Variants in CALN1 observed in about 807,000 individuals in gnomAD.
The protein encoded by CALN1 is calneuron 1.
CALN1 carries 17 observed loss-of-function variants against 30.6 expected under a neutral mutation model. The observed-to-expected ratio is 0.56, with a 90% confidence interval of 0.38 to 0.83. CALN1 has a LOEUF of 0.83. Ranked by LOEUF, CALN1 falls within the 40% of genes least tolerant of loss-of-function variation. CALN1 has a pLI of 0.00. For missense variants in CALN1, 291 were observed against 354.9 expected (o/e 0.82, Z 1.45); for synonymous variants, 156 against 131.4 (o/e 1.19, Z -1.28).
intron 5 of CALN1, among the ~76,000 whole-genome samples, chr7:71,974,516 G>A (rs1798006952): frequency 6.6e-6 from 1 of 150,736 alleles, no homozygotes; most frequent in Non-Finnish European, 1.5e-5. Flanking sequence ...AGAATACACA[G>A]GCTAGGTGCC....
At chr7:72,205,551 A>ATATATATACATATAT (rs1554319582) in intron 3 of CALN1, among the ~76,000 whole-genome samples, 3 of 83,044 alleles carry the variant, frequency 3.6e-5, no homozygotes, top group East Asian at 1.7e-3. Context: ...GCAAAAAAAA[A>ATATATATACATATAT]ATATATATAT....
intron 5 of CALN1, among the ~76,000 whole-genome samples, chr7:71,831,343 AGTG>A (rs1789264447): frequency 6.6e-6 from 1 of 152,070 alleles, no homozygotes. Context: ...AGCCGGGTGC[AGTG>A]GCGTATGCCT....
intron 3 of CALN1, among the ~76,000 whole-genome samples, chr7:72,167,453 T>G (rs984008808): frequency 6.6e-6 from 1 of 152,170 alleles, no homozygotes; most frequent in African/African-American, 2.4e-5. Context: ...CAAGCAATTC[T>G]CCTGCGTCAG....
intron 3 of CALN1, among the ~76,000 whole-genome samples, chr7:72,164,088 C>A (rs927647145): frequency 5.3e-5 from 8 of 152,106 alleles, no homozygotes; most frequent in African/African-American, 1.7e-4. Flanking sequence ...GCCATATGGA[C>A]CAGGTGCAGT....
chr7:72,009,725 A>C (rs1799963036), intron 5 of CALN1, among the ~76,000 whole-genome samples: 1 of 152,140 alleles, frequency 6.6e-6, no homozygotes, highest in African/African-American at 2.4e-5. Context: ...AAGTCTTACA[A>C]GATCTGATGG....
At chr7:72,183,638 G>C (rs1276772456) in intron 3 of CALN1, among the ~76,000 whole-genome samples, 3 of 152,176 alleles carry the variant, frequency 2.0e-5, no homozygotes, top group Non-Finnish European at 4.4e-5. Context: ...AATTGATTAA[G>C]AATTAATACA....
intron 4 of CALN1, among the ~76,000 whole-genome samples, chr7:72,091,297 C>T (rs532755549): frequency 6.6e-6 from 1 of 152,210 alleles, no homozygotes; most frequent in East Asian, 1.9e-4. Flanking sequence ...CACCATTGCA[C>T]TCCAGTCTGG....
chr7:72,384,422 G>A (rs1301550536), intron 2 of CALN1, among the ~76,000 whole-genome samples: 6 of 152,156 alleles, frequency 3.9e-5, no homozygotes, highest in African/African-American at 1.4e-4. Flanking sequence ...AAGAGAGGAA[G>A]AAAATGAACC....
In CALN1 at chr7:71,817,460, A is replaced by C. The variant is rs557682539; in HGVS notation, c.502-6968T>G. Among the ~76,000 whole-genome samples the C allele has an allele frequency of 3.3e-5, 5 of 152,314 alleles. No individual in the cohort carries two copies. The East Asian group carries it at 7.7e-4, about 24-fold the overall frequency. On this transcript the variant is annotated intron_variant, in intron 5 of 6. Coordinates refer to ENST00000395275, the MANE Select transcript of CALN1 (RefSeq NM_031468.4). ...TTGGAAACCTAAGGAATTTTCCACTATAGTAGAATCTCTGTAAGGTCAGTT... is the reference window on the plus strand; with the variant it reads ...TTGGAAACCTAAGGAATTTTCCACTCTAGTAGAATCTCTGTAAGGTCAGTT...
intron 3 of CALN1, among the ~76,000 whole-genome samples, chr7:72,182,544 A>C (rs951446769): frequency 6.6e-5 from 10 of 152,128 alleles, no homozygotes; most frequent in African/African-American, 2.4e-4. Context: ...ACATGGTGAA[A>C]CCCTGTCTCT....
chr7:71,869,040 T>C (rs1791765234), intron 5 of CALN1, among the ~76,000 whole-genome samples: 1 of 152,068 alleles, frequency 6.6e-6, no homozygotes, highest in Non-Finnish European at 1.5e-5. Context: ...GAGGTAGCTA[T>C]GTTCACTTCA....
At chr7:72,026,085 G>GT (rs1562987691) in intron 4 of CALN1, among the ~76,000 whole-genome samples, 1 of 152,114 alleles carries the variant, frequency 6.6e-6, no homozygotes, top group Admixed American at 6.5e-5. Context: ...GCTGGTAATC[G>GT]TAAGAAAGCT....
chr7:71,838,897 C>A (rs1789774228), intron 5 of CALN1, among the ~76,000 whole-genome samples: 1 of 152,106 alleles, frequency 6.6e-6, no homozygotes, highest in Non-Finnish European at 1.5e-5. Flanking sequence ...GTCAATTAAA[C>A]CTCTTTCCCT....
chr7:72,189,109 G>A (rs745654648), intron 3 of CALN1, among the ~76,000 whole-genome samples: 1 of 152,142 alleles, frequency 6.6e-6, no homozygotes, highest in Non-Finnish European at 1.5e-5. Context: ...CTTAACCCCC[G>A]CAAAATTATC....
At chr7:71,845,376 T>C (rs1380502104) in intron 5 of CALN1, among the ~76,000 whole-genome samples, 1 of 152,250 alleles carries the variant, frequency 6.6e-6, no homozygotes, top group East Asian at 1.9e-4. Flanking sequence ...GTTTCCTTCA[T>C]GCCTGTGTTT....
intron 6 of CALN1, among the ~76,000 whole-genome samples, chr7:71,802,612 G>A (rs992817472): frequency 1.3e-5 from 2 of 152,124 alleles, no homozygotes; most frequent in African/African-American, 2.4e-5. Context: ...ACAGGCATGC[G>A]CCACCATGCC....
At chr7:72,411,324 T>G (rs547937813) in intron 1 of CALN1, among the ~76,000 whole-genome samples, 1 of 152,218 alleles carries the variant, frequency 6.6e-6, no homozygotes, top group South Asian at 2.1e-4. Flanking sequence ...ACGTGAGACC[T>G]AAGTCTCAGG....
intron 5 of CALN1, among the ~76,000 whole-genome samples, chr7:71,882,463 A>G (rs1375562315): frequency 6.6e-6 from 1 of 152,150 alleles, no homozygotes; most frequent in African/African-American, 2.4e-5. Flanking sequence ...ACATCTTGGA[A>G]GGGCCATGAT....
chr7:72,395,781 G>C (rs1228731650), intron 2 of CALN1, among the ~76,000 whole-genome samples: 1 of 152,098 alleles, frequency 6.6e-6, no homozygotes, highest in Non-Finnish European at 1.5e-5. Context: ...AATGGAACAA[G>C]AGCAAGCAAA....
Sources: allele counts gnomAD v4.1 joint callset (sites outside exome capture counted in the v4.1 genomes callset), GRCh38; gene constraint gnomAD v4.1.1; transcripts MANE v1.5; gene names NCBI Gene and HGNC (gene_info 2026-07-23, HGNC 2026-07-21).